The following NEURL1B variants were observed in gnomAD, a reference collection of about 807,000 sequenced individuals.
NEURL1B encodes E3 ubiquitin-protein ligase NEURL1B.
NEURL1B carries 13 observed loss-of-function variants against 37.4 expected under a neutral mutation model. The ratio of observed to expected loss-of-function variants is 0.35; its 90% CI spans 0.23 to 0.55. The LOEUF is 0.55. Ranked by LOEUF, NEURL1B falls within the 20% of genes least tolerant of loss-of-function variation. The pLI, the probability that NEURL1B is intolerant of heterozygous loss-of-function variation, is 0.89. For missense variants in NEURL1B, 790 were observed against 879.2 expected, an observed-to-expected ratio of 0.90 and a Z score of 1.28; for synonymous variants, 432 against 426.6, an observed-to-expected ratio of 1.01 and a Z score of -0.16.
rs2113317178 is a variant in NEURL1B at position 172,676,002 on chromosome 5, C to T, written c.577+5672C>T. On this transcript the variant is annotated intron_variant, in intron 2 of 4. Coordinates refer to ENST00000369800, the MANE Select transcript of NEURL1B (RefSeq NM_001142651.3). This position sits in a 1 kb window ranked among gnomAD's most constrained non-coding sequence, Gnocchi z 4.5. Reference sequence around the variant, plus strand: ...CCTTCCTAGGCAGCTCCAGGGTGGTCAGTGTCAGCCCTGCTGTCCTTCCTT... The same window carrying T: ...CCTTCCTAGGCAGCTCCAGGGTGGTTAGTGTCAGCCCTGCTGTCCTTCCTT... Among the ~76,000 whole-genome samples the T allele has an allele frequency of 6.6e-6, 1 of 152,234 alleles. No individual in the cohort carries two copies. The highest frequency in any genetic ancestry group is 2.1e-4 in the South Asian group (1 of 4,828).
At chr5:172,671,041 T>A (rs571893319) in intron 2 of NEURL1B, among the ~76,000 whole-genome samples, 6 of 152,280 alleles carry the variant, frequency 3.9e-5, no homozygotes, top group Admixed American at 2.0e-4. Context: ...GACCTTTTTT[T>A]AAAAATTGAG....
At chr5:172,669,283 T>C (rs1279151545) in intron 1 of NEURL1B, among the ~76,000 whole-genome samples, 1 of 152,184 alleles carries the variant, frequency 6.6e-6, no homozygotes, top group African/African-American at 2.4e-5. Flanking sequence ...GCCTGACCTG[T>C]CTTAGCTTTT....
At chr5:172,660,583 G>A (rs1757878063) in intron 1 of NEURL1B, among the ~76,000 whole-genome samples, 2 of 152,248 alleles carry the variant, frequency 1.3e-5, no homozygotes. Context: ...TCTGTCTCCT[G>A]AGTGCCTGTC....
chr5:172,687,269 A>AGGGG lies in NEURL1B; in HGVS notation c.*347_*348insGGGG, dbSNP rs1561655362. 1 of 168,736 alleles carries AGGGG rather than the reference A, an allele frequency of 5.9e-6. No individual in the cohort carries two copies. The highest frequency in any genetic ancestry group is 1.2e-5 in the Non-Finnish European group (1 of 82,000). The allele number at this position is 168,736 out of a possible 1,614,324, so 10.5% of individuals were successfully genotyped here. ...GTTGAGTGTGAGAGAAGGGGAGGGG[A>AGGGG]GGGAGGGAGAACAGAGAGAATGTGT... On this transcript the variant is annotated 3_prime_UTR_variant, in exon 5 of 5. Transcript: ENST00000369800.
At chr5:172,646,676 G>A (rs1285157951) in intron 1 of NEURL1B, among the ~76,000 whole-genome samples, 1 of 152,216 alleles carries the variant, frequency 6.6e-6, no homozygotes, top group Non-Finnish European at 1.5e-5. Context: ...AGACACAGCA[G>A]TTACAGTACG....
At chr5:172,660,330 C>T (rs1435183449) in intron 1 of NEURL1B, among the ~76,000 whole-genome samples, 5 of 152,224 alleles carry the variant, frequency 3.3e-5, no homozygotes, top group South Asian at 2.1e-4. Flanking sequence ...TGGGAACTCT[C>T]GCATCAGAGC....
rs1471019124 is a variant in NEURL1B, at chr5:172,687,916, A to C, written c.*991A>C. ...TGGCATTCCCAGGGGACCTGCTGGC[A>C]GGAGGAGGAACGAGGGCTTTATAAC... is the stretch of plus-strand genomic sequence containing the variant. On this transcript the variant is annotated 3_prime_UTR_variant, in exon 5 of 5. Coordinates refer to ENST00000369800, the MANE Select transcript of NEURL1B (RefSeq NM_001142651.3). 2 of 152,318 alleles carry C rather than the reference A, an allele frequency of 1.3e-5. No individual in the cohort carries two copies. The highest frequency in any genetic ancestry group is 4.8e-5 in the African/African-American group (2 of 41,444). 9.4% of individuals were successfully genotyped at this position (152,318 alleles called of 1,614,324 possible). A position where few individuals can be genotyped will look rare whatever the true frequency, so the allele number is the denominator to read the frequency against.
intron 1 of NEURL1B, among the ~76,000 whole-genome samples, chr5:172,660,531 A>G (rs1161394368): frequency 6.6e-6 from 1 of 152,242 alleles, no homozygotes; most frequent in Non-Finnish European, 1.5e-5. Context: ...ATGCTGGCCA[A>G]CCAGGCCTCT....
rs1175199572 is a variant in NEURL1B, at chr5:172,691,276, A to C, written c.*4351A>C. Reference sequence around the variant, plus strand: ...TGATGAAGTGTACATCCCCCACCCCACACACCACTACCTGTGTACAGACCT... The same window carrying C: ...TGATGAAGTGTACATCCCCCACCCCCCACACCACTACCTGTGTACAGACCT... On this transcript the variant is annotated 3_prime_UTR_variant, in exon 5 of 5. Transcript: ENST00000369800. The C allele has an allele frequency of 1.3e-5, 2 of 152,154 alleles. No individual in the cohort carries two copies. Among genetic ancestry groups the C allele is most frequent in the Non-Finnish European group, 2.9e-5 (2 of 68,026 alleles). 9.4% of individuals were successfully genotyped at this position (152,154 alleles called of 1,614,324 possible).
At chr5:172,682,296 C>T (rs1561652478) in intron 2 of NEURL1B, among the ~76,000 whole-genome samples, 1 of 152,192 alleles carries the variant, frequency 6.6e-6, no homozygotes, top group Non-Finnish European at 1.5e-5. Context: ...TCCCTTCGGC[C>T]GGGCGTGCTG....
In NEURL1B at chr5:172,683,981, C is replaced by A; in HGVS notation, c.1140C>A (p.Gly380=). 7.6e-7 allele frequency: 1 copy of A among 1,317,470 alleles called. No individual in the cohort carries two copies. The allele number at this position is 1,317,470 out of a possible 1,614,324, so 81.6% of individuals were successfully genotyped here. A position where few individuals can be genotyped will look rare whatever the true frequency, so the allele number is the denominator to read the frequency against. The change falls in exon 3 of 5, where the codon GGC becomes GGA. Residue 380 remains glycine (G), a synonymous_variant. Transcript: ENST00000369800. The surrounding 1 kb of genome is among the most constrained non-coding windows in gnomAD (Gnocchi z 5.6). ...CGCGCGCCGGGCCCGTGCCGAGCGG[C>A]GGCGACGCGCTCAGCTTCACGCTGC... ...VVARAGPVPS[G]GDALSFTLRP...
intron 1 of NEURL1B, among the ~76,000 whole-genome samples, chr5:172,660,050 C>T (rs147229650): frequency 2.0e-4 from 30 of 152,342 alleles, no homozygotes; most frequent in African/African-American, 5.8e-4. Context: ...CGGCAGCCAG[C>T]GCGGGCCCTG....
intron 2 of NEURL1B, among the ~76,000 whole-genome samples, chr5:172,672,830 G>A (rs1053035691): frequency 1.1e-4 from 16 of 152,010 alleles, no homozygotes; most frequent in African/African-American, 3.6e-4. Flanking sequence ...GTATTAGAAG[G>A]AATTTCATCC....
rs766295086 is a variant in NEURL1B at position 172,665,822 on chromosome 5, GCC to G, written c.32-3960_32-3959del. 6.6e-6 allele frequency among the ~76,000 whole-genome samples: 1 copy of G among 152,026 alleles called. No homozygotes were observed. The highest frequency in any genetic ancestry group is 1.5e-5 in the Non-Finnish European group (1 of 67,992). ...TAACTGAGTCCAGGGCCTCCTCCAG[GCC>G]CCTAGTCCCCCCGGTGCCATCGCCT... On this transcript the variant is annotated intron_variant, in intron 1 of 4. Transcript: ENST00000369800. The surrounding 1 kb of genome is among the most constrained non-coding windows in gnomAD (Gnocchi z 4.1).
At chr5:172,667,198 G>A (rs62386673) in intron 1 of NEURL1B, among the ~76,000 whole-genome samples, 25,212 of 149,642 alleles carry the variant, frequency 0.17, 2,398 homozygotes, top group African/African-American at 0.26. Flanking sequence ...AGCACTTTGG[G>A]AGGCCGAGGT....
intron 1 of NEURL1B, among the ~76,000 whole-genome samples, chr5:172,667,787 A>C (rs559687519): frequency 7.4e-4 from 113 of 151,906 alleles, no homozygotes; most frequent in African/African-American, 2.5e-3. Flanking sequence ...ACCTTCAATA[A>C]GGTCTCATTG....
intron 1 of NEURL1B, among the ~76,000 whole-genome samples, chr5:172,660,598 C>T (rs1405237385): frequency 6.6e-6 from 1 of 152,220 alleles, no homozygotes; most frequent in African/African-American, 2.4e-5. Flanking sequence ...CCTGTCACTG[C>T]CCCATTTGGC....
intron 2 of NEURL1B, among the ~76,000 whole-genome samples, chr5:172,671,732 G>C (rs1213672580): frequency 6.6e-6 from 1 of 152,232 alleles, no homozygotes. Context: ...TGGCTTTTCA[G>C]CCCTGCATTT....
At chr5:172,656,904 C>G (rs560739814) in intron 1 of NEURL1B, among the ~76,000 whole-genome samples, 7 of 152,302 alleles carry the variant, frequency 4.6e-5, no homozygotes, top group Non-Finnish European at 1.0e-4. Context: ...ATAGGAGATT[C>G]TAGGTGAAGT....
Sources: gnomAD v4.1 joint callset for allele counts (sites outside exome capture counted in the v4.1 genomes callset) on GRCh38, gnomAD v4.1.1 for gene constraint, Gnocchi (gnomAD v3.1) non-coding constraint, MANE v1.5 for transcripts, NCBI Gene and HGNC (gene_info 2026-07-23, HGNC 2026-07-21) for gene names.